KCND3: variants seen among roughly 807,000 people sequenced by gnomAD.
KCND3 encodes A-type voltage-gated potassium channel KCND3.
A neutral mutation model predicts 51.1 loss-of-function variants in KCND3; 9 were observed. The ratio of observed to expected loss-of-function variants is 0.18; its 90% CI spans 0.11 to 0.31. The LOEUF (loss-of-function observed/expected upper bound fraction) is 0.31, where lower values mean the gene tolerates loss of function less well. KCND3 is among the 10% of genes least tolerant of loss of function. The pLI, the probability that KCND3 is intolerant of heterozygous loss-of-function variation, is 1.00. For synonymous variants in KCND3, 349 were observed against 368.0 expected (o/e 0.95, Z 0.59); for missense variants, 526 against 903.8 (o/e 0.58, Z 5.36).
In KCND3 at chr1:111,770,806, GTGTT is replaced by G. The variant is rs1006156345; in HGVS notation, c.*5267_*5270del. The G allele has an allele frequency of 1.8e-5, 2 of 108,920 alleles. No homozygotes were observed. Among genetic ancestry groups the G allele is most frequent in the African/African-American group, 1.1e-4 (2 of 17,786 alleles). 6.7% of individuals were successfully genotyped at this position (108,920 alleles called of 1,614,324 possible). A position where few individuals can be genotyped will look rare whatever the true frequency, so the allele number is the denominator to read the frequency against. On this transcript the variant is annotated 3_prime_UTR_variant, in exon 8 of 8. Coordinates refer to ENST00000302127, the MANE Select transcript of KCND3 (RefSeq NM_001378969.1). ...AAAGAAGACGACAGGAAACTCAAGGGTGTTTTTTTTTTTTCATAGAAAGTTTTCA... is the reference window on the plus strand; with the variant it reads ...AAAGAAGACGACAGGAAACTCAAGGGTTTTTTTTTTCATAGAAAGTTTTCA...
chr1:111,946,913 C>G (rs574629559), intron 2 of KCND3, among the ~76,000 whole-genome samples: 1 of 152,336 alleles, frequency 6.6e-6, no homozygotes, highest in East Asian at 1.9e-4. Flanking sequence ...GATACAATGG[C>G]AGACTCAGGA....
At chr1:111,895,226 A>G (rs1571812836) in intron 2 of KCND3, among the ~76,000 whole-genome samples, 1 of 145,764 alleles carries the variant, frequency 6.9e-6, no homozygotes, top group Admixed American at 6.9e-5. Context: ...GAGAGGGAGG[A>G]GGGAAGGATG....
intron 2 of KCND3, among the ~76,000 whole-genome samples, chr1:111,926,815 T>C (rs1671723446): frequency 6.6e-6 from 1 of 152,282 alleles, no homozygotes; most frequent in African/African-American, 2.4e-5. Flanking sequence ...TGCTAGATCG[T>C]CAGCCTGGTC....
At chr1:111,967,248 G>A (rs911266604) in intron 2 of KCND3, among the ~76,000 whole-genome samples, 2 of 152,106 alleles carry the variant, frequency 1.3e-5, no homozygotes, top group African/African-American at 4.8e-5. Context: ...CTCTGCTGGG[G>A]AGGGTGCTGA....
Position 111,809,517 on chromosome 1 carries a change from C to T in KCND3, c.1107-22411G>A, listed in dbSNP as rs746388789. Among the ~76,000 whole-genome samples the T allele has an allele frequency of 1.1e-4, 16 of 152,202 alleles. No individual in the cohort carries two copies. The Middle Eastern group carries it at 0.01, about 97-fold the overall frequency. On this transcript the variant is annotated intron_variant, in intron 2 of 7. Coordinates refer to ENST00000302127, the MANE Select transcript of KCND3 (RefSeq NM_001378969.1). ...TAGAAACGGGGTTTCACCATGTTAG[C>T]CAGGATGGTCTCAATCTCCTGACCT...
chr1:111,880,563 A>G (rs1041501425), intron 2 of KCND3, among the ~76,000 whole-genome samples: 1 of 152,172 alleles, frequency 6.6e-6, no homozygotes, highest in African/African-American at 2.4e-5. Flanking sequence ...ATAAAGTTTG[A>G]GGTTTCCTAC....
At chr1:111,912,820 G>A (rs72692597) in intron 2 of KCND3, among the ~76,000 whole-genome samples, 14 of 151,868 alleles carry the variant, frequency 9.2e-5, no homozygotes, top group Non-Finnish European at 1.6e-4. Flanking sequence ...TTTTTATAAC[G>A]GTACAACGTA....
chr1:111,983,571 C>T (rs908981518), intron 1 of KCND3, among the ~76,000 whole-genome samples: 1 of 152,102 alleles, frequency 6.6e-6, no homozygotes, highest in Non-Finnish European at 1.5e-5. Flanking sequence ...CTGTGAAGGG[C>T]GTCTTGGCTT....
At chr1:111,956,313 C>G (rs879644594) in intron 2 of KCND3, among the ~76,000 whole-genome samples, 6 of 152,160 alleles carry the variant, frequency 3.9e-5, no homozygotes, top group Non-Finnish European at 8.8e-5. Context: ...AGGGCATCAA[C>G]GTCATCAGTG....
chr1:111,962,750 C>G (rs958070610), intron 2 of KCND3, among the ~76,000 whole-genome samples: 1 of 152,218 alleles, frequency 6.6e-6, no homozygotes, highest in Non-Finnish European at 1.5e-5. Flanking sequence ...CTTTTCATCC[C>G]TTTGTATTTA....
intron 2 of KCND3, among the ~76,000 whole-genome samples, chr1:111,855,192 T>C (rs528090129): frequency 5.1e-4 from 77 of 152,308 alleles, no homozygotes; most frequent in Non-Finnish European, 9.4e-4. Context: ...TCCCCTTTTG[T>C]GTTCTGGAGC....
intron 2 of KCND3, among the ~76,000 whole-genome samples, chr1:111,944,448 T>C (rs1009848398): frequency 1.3e-5 from 2 of 152,190 alleles, no homozygotes; most frequent in Non-Finnish European, 2.9e-5. Flanking sequence ...GGAGACTCCC[T>C]CTGGAGGCTC....
intron 6 of KCND3, 78 bp from the exon 7 acceptor site, chr1:111,777,351 G>T: frequency 1.3e-6 from 2 of 1,485,014 alleles, no homozygotes; most frequent in Admixed American, 1.7e-5. Context: ...CTGTATGGCT[G>T]CCTGTCTCTG....
chr1:111,840,153 C>T lies in KCND3; in HGVS notation c.1107-53047G>A, dbSNP rs561621127. 2.9e-4 allele frequency among the ~76,000 whole-genome samples: 44 copies of T among 152,256 alleles called. No individual in the cohort carries two copies. The South Asian group carries it at 9.1e-3, about 32-fold the overall frequency. ...TTTTTTTAGAAGGAAGGAAACTAAT[C>T]CCATTCATGAGACGTCTGCAGTTAT... is the stretch of plus-strand genomic sequence containing the variant. On this transcript the variant is annotated intron_variant, in intron 2 of 7. Transcript: ENST00000302127.
chr1:111,818,606 G>A (rs947023197), intron 2 of KCND3, among the ~76,000 whole-genome samples: 1 of 152,230 alleles, frequency 6.6e-6, no homozygotes, highest in African/African-American at 2.4e-5. Context: ...GGAACAGATG[G>A]AGTGCGGGAA....
intron 2 of KCND3, among the ~76,000 whole-genome samples, chr1:111,790,232 T>G (rs1435261021): frequency 6.6e-6 from 1 of 152,202 alleles, no homozygotes; most frequent in Non-Finnish European, 1.5e-5. Flanking sequence ...CTGGGGCATT[T>G]ATTTAACCTG....
chr1:111,975,250 C>T (rs1002216318), intron 2 of KCND3, among the ~76,000 whole-genome samples: 3 of 152,188 alleles, frequency 2.0e-5, no homozygotes, highest in African/African-American at 4.8e-5. Context: ...GGTGCTCTGG[C>T]TGGTTTGTTA....
chr1:111,802,870 G>C (rs1665382291), intron 2 of KCND3, among the ~76,000 whole-genome samples: 1 of 152,168 alleles, frequency 6.6e-6, no homozygotes, highest in Admixed American at 6.5e-5. Flanking sequence ...TGGGCTCCAT[G>C]CTTCTGGGTT....
At chr1:111,897,247 C>T (rs539244520) in intron 2 of KCND3, among the ~76,000 whole-genome samples, 33 of 152,330 alleles carry the variant, frequency 2.2e-4, no homozygotes, top group Admixed American at 1.8e-3. Flanking sequence ...AGTCCCAGGG[C>T]GGCCTGCCTC....
Sources: allele counts gnomAD v4.1 joint callset (sites outside exome capture counted in the v4.1 genomes callset), GRCh38; gene constraint gnomAD v4.1.1; transcripts MANE v1.5; gene names NCBI Gene and HGNC (gene_info 2026-07-23, HGNC 2026-07-21).